The following CCT6B variants were observed in gnomAD, a reference collection of about 807,000 sequenced individuals.
CCT6B encodes chaperonin containing TCP1 subunit 6B, also known as probable T-complex protein 1 subunit zeta-2.
A neutral mutation model predicts 61.5 loss-of-function variants in CCT6B; 49 were observed. That is an observed-to-expected ratio of 0.80 (90% confidence interval 0.63 to 1.01). The LOEUF is 1.01. Ranked by LOEUF, CCT6B falls within the 50% of genes least tolerant of loss-of-function variation. CCT6B has a pLI of 0.00. For missense variants in CCT6B, 666 were observed against 634.7 expected (o/e 1.05, Z -0.53); for synonymous variants, 228 against 214.5 (o/e 1.06, Z -0.55).
rs552206539 is a variant in CCT6B at position 34,934,115 on chromosome 17, C to A, written c.1214-1615G>T. On this transcript the variant is annotated intron_variant, in intron 10 of 13. Coordinates refer to ENST00000314144, the MANE Select transcript of CCT6B (RefSeq NM_006584.4). The stretch of plus-strand genomic sequence containing the variant: ...CTGCACTCCAGCCTAGGTGACAGAT[C>A]GAGACTCTGTTTCAAAAAGAAAAAA... Among the ~76,000 whole-genome samples, 548 of 135,426 alleles carry A rather than the reference C, an allele frequency of 4.0e-3. 8 individuals carry two copies. The highest frequency in any genetic ancestry group is 0.014 in the African/African-American group (519 of 35,908). The allele number at this position is 135,426 out of a possible 152,430, so 88.8% of individuals were successfully genotyped here. A position where few individuals can be genotyped will look rare whatever the true frequency, so the allele number is the denominator to read the frequency against.
At chr17:34,929,423 T>C (rs1004061966) in intron 12 of CCT6B, among the ~76,000 whole-genome samples, 11 of 151,990 alleles carry the variant, frequency 7.2e-5, no homozygotes, top group African/African-American at 2.7e-4. Context: ...TCCAGACTTT[T>C]AGATTTAAAC....
chr17:34,961,426 G>C lies in CCT6B; in HGVS notation c.-33C>G, dbSNP rs763033825. ...CCGTTCAGAGGGAGAAAAAAAAAAA[G>C]CCTTAGTCGCGATTCTGAGCAAAAA... On this transcript the variant is annotated 5_prime_UTR_variant, in exon 1 of 14. Transcript: ENST00000314144. The C allele has an allele frequency of 1.5e-5, 23 of 1,559,044 alleles. No homozygotes were observed. Among genetic ancestry groups the C allele is most frequent in the South Asian group, 7.2e-5 (6 of 82,836 alleles).
rs751978452 is a variant in CCT6B, at chr17:34,954,608, T to A, written c.337-9A>T. 8.2e-6 allele frequency: 13 copies of A among 1,585,266 alleles called. No individual in the cohort carries two copies. Among genetic ancestry groups the A allele is most frequent in the South Asian group, 1.2e-5 (1 of 84,750 alleles). ...ATTCTAGGGTGCAGGCCCTGTTACATCAACATAAAATTATAAATTATAAAA... is the reference window on the plus strand; with the variant it reads ...ATTCTAGGGTGCAGGCCCTGTTACAACAACATAAAATTATAAATTATAAAA... On this transcript the variant is annotated splice_polypyrimidine_tract_variant and intron_variant, in intron 3 of 13. Transcript: ENST00000314144.
At position 34,930,966 on chromosome 17, in the gene CCT6B, C is replaced by A. The variant is rs1047073216; in HGVS notation, c.1433G>T (p.Gly478Val). The stretch of plus-strand genomic sequence containing the variant: ...TTTCTTACCTGTATTCAAATCTACG[C>A]CCACAAGTTGTTTTGACTCGACATG... Reference protein sequence around the residue: ...AEHVESKQLVGVDLNTGEPMV... With the variant: ...AEHVESKQLVVVDLNTGEPMV... The change falls in exon 12 of 14, where the codon GGC (glycine) becomes GTC (valine). Residue 478 changes from glycine to valine, a missense_variant. Transcript: ENST00000314144. 1.3e-6 allele frequency: 2 copies of A among 1,595,756 alleles called. No individual in the cohort carries two copies. The highest frequency in any genetic ancestry group is 1.7e-6 in the Non-Finnish European group (2 of 1,165,670).
chr17:34,950,869 CAGTGAGCCA>C (rs1177468007), intron 5 of CCT6B, among the ~76,000 whole-genome samples: 1 of 150,114 alleles, frequency 6.7e-6, no homozygotes, highest in African/African-American at 2.5e-5. Flanking sequence ...GCGGAGGTTG[CAGTGAGCCA>C]AGATCACGCC....
rs1460290770 is a variant in CCT6B at position 34,954,540 on chromosome 17, T to C, written c.396A>G (p.Glu132=). Reference sequence around the variant, plus strand: ...TTGTCACTTTAACTTCCTCCAAAACTTCAAGTGCTTTTATCTTTGCAGCTT... The same window carrying C: ...TTGTCACTTTAACTTCCTCCAAAACCTCAAGTGCTTTTATCTTTGCAGCTT... ...GFEAAKIKAL[E]VLEEVKVTKE... The change falls in exon 4 of 14, where the codon GAA becomes GAG. Residue 132 remains glutamate (E), a synonymous_variant. Transcript: ENST00000314144. 1.2e-6 allele frequency: 2 copies of C among 1,613,852 alleles called. No individual in the cohort carries two copies. The highest frequency in any genetic ancestry group is 1.7e-6 in the Non-Finnish European group (2 of 1,179,878).
chr17:34,957,006 A>C (rs1396316288), intron 3 of CCT6B, among the ~76,000 whole-genome samples: 2 of 151,232 alleles, frequency 1.3e-5, no homozygotes, highest in Non-Finnish European at 2.9e-5. Context: ...ACAGGGTCTC[A>C]CTATGTTGCC....
intron 10 of CCT6B, among the ~76,000 whole-genome samples, chr17:34,933,677 C>T (rs2142137802): frequency 6.6e-6 from 1 of 152,300 alleles, no homozygotes; most frequent in Non-Finnish European, 1.5e-5. Context: ...ATTACTAGAA[C>T]CTTTGAAAAC....
intron 1 of CCT6B, among the ~76,000 whole-genome samples, chr17:34,960,434 C>G (rs1208516182): frequency 6.6e-6 from 1 of 152,194 alleles, no homozygotes; most frequent in Non-Finnish European, 1.5e-5. Flanking sequence ...ACTCCCTCTT[C>G]CAACTAGTGA....
chr17:34,936,784 T>G (rs1343048538), intron 10 of CCT6B, among the ~76,000 whole-genome samples: 3 of 152,124 alleles, frequency 2.0e-5, no homozygotes. Flanking sequence ...CTCAAATAGA[T>G]AAGATGATAT....
At chr17:34,951,839 A>T in intron 5 of CCT6B, 111 bp downstream of exon 5, 1 of 542,562 alleles carries the variant, frequency 1.8e-6, no homozygotes, top group Non-Finnish European at 3.2e-6. Flanking sequence ...GTGACTTAAT[A>T]TATGGTGAAT....
intron 3 of CCT6B, among the ~76,000 whole-genome samples, chr17:34,955,907 G>A (rs1567673525): frequency 6.6e-6 from 1 of 152,104 alleles, no homozygotes; most frequent in African/African-American, 2.4e-5. Flanking sequence ...AAACCAGGTT[G>A]TTTAAACCCA....
At chr17:34,951,474 CAA>C (rs1476580068) in intron 5 of CCT6B, among the ~76,000 whole-genome samples, 2 of 152,150 alleles carry the variant, frequency 1.3e-5, no homozygotes, top group Non-Finnish European at 2.9e-5. Flanking sequence ...TTCTATAATA[CAA>C]AGTTTTAAAA....
At chr17:34,944,424 A>T (rs931614158) in intron 5 of CCT6B, 1 of 152,186 alleles carries the variant, frequency 6.6e-6, no homozygotes, top group Non-Finnish European at 1.5e-5. Flanking sequence ...ACCAGCATAC[A>T]AACTTGCAGT....
rs757553355 is a variant in CCT6B, at chr17:34,928,021, T to C, written c.*27A>G. On this transcript the variant is annotated 3_prime_UTR_variant, in exon 14 of 14. Coordinates refer to ENST00000314144, the MANE Select transcript of CCT6B (RefSeq NM_006584.4). ...GTAAAGTGTACTAAATTTCATCTTC[T>C]AGAAGGGTTGATTTTGAATTCAATC... 1.9e-6 allele frequency: 3 copies of C among 1,562,012 alleles called. No homozygotes were observed. The highest frequency in any genetic ancestry group is 2.6e-6 in the Non-Finnish European group (3 of 1,136,506).
Position 34,934,522 on chromosome 17 carries a change from G to A in CCT6B, c.1214-2022C>T, listed in dbSNP as rs141805293. Among the ~76,000 whole-genome samples the A allele has an allele frequency of 5.9e-5, 9 of 152,222 alleles. 1 individual carries two copies. The highest frequency in any genetic ancestry group is 2.2e-4 in the African/African-American group (9 of 41,530). On this transcript the variant is annotated intron_variant, in intron 10 of 13. Transcript: ENST00000314144. Reference sequence around the variant, plus strand: ...ATTTACCAAAACAGGCAGCAAATCAGATTTAGCTCATAGATAGTAGTTGAT... The same window carrying A: ...ATTTACCAAAACAGGCAGCAAATCAAATTTAGCTCATAGATAGTAGTTGAT...
chr17:34,928,173 TC>T, intron 13 of CCT6B, 56 bp from the exon 14 acceptor site: 1 of 1,117,872 alleles, frequency 8.9e-7, no homozygotes, highest in Non-Finnish European at 1.3e-6. Flanking sequence ...TTAGCTTTTT[TC>T]CCCAGCAATC....
chr17:34,945,414 G>C (rs2090212695), intron 5 of CCT6B, among the ~76,000 whole-genome samples: 1 of 152,068 alleles, frequency 6.6e-6, no homozygotes, highest in Non-Finnish European at 1.5e-5. Flanking sequence ...GCTCCTCCTA[G>C]TCTTCTCCAT....
At position 34,941,385 on chromosome 17, in the gene CCT6B, A is replaced by G. The variant is rs181048698; in HGVS notation, c.886-764T>C. 1.7e-3 allele frequency among the ~76,000 whole-genome samples: 255 copies of G among 152,300 alleles called. 4 individuals carry two copies. Among genetic ancestry groups the G allele is most frequent in the Non-Finnish European group, 2.8e-3 (191 of 68,014 alleles). On this transcript the variant is annotated intron_variant, in intron 7 of 13. Transcript: ENST00000314144. ...ATACATGTAGAAACTGTGTCATGTTATGCATGTGGAAACTTTGCCTATCTC... is the reference window on the plus strand; with the variant it reads ...ATACATGTAGAAACTGTGTCATGTTGTGCATGTGGAAACTTTGCCTATCTC...
Sources: gnomAD v4.1 joint callset for allele counts (sites outside exome capture counted in the v4.1 genomes callset) on GRCh38, gnomAD v4.1.1 for gene constraint, MANE v1.5 for transcripts, NCBI Gene and HGNC (gene_info 2026-07-23, HGNC 2026-07-21) for gene names.